DCLK3: variants seen among roughly 807,000 people sequenced by gnomAD.
DCLK3 encodes doublecortin like kinase 3, also known as serine/threonine-protein kinase DCLK3.
Under a neutral mutation model 46.4 loss-of-function variants are expected in DCLK3, and 30 were observed. That is an observed-to-expected ratio of 0.65 (90% CI 0.48 to 0.88). The LOEUF (loss-of-function observed/expected upper bound fraction) is 0.88. DCLK3 is among the 40% of genes least tolerant of loss of function. DCLK3 has a pLI of 0.00. For missense variants in DCLK3, 846 were observed against 907.1 expected (o/e 0.93, Z 0.87); for synonymous variants, 401 against 339.2 (o/e 1.18, Z -2.00).
In DCLK3 at chr3:36,749,059, C is replaced by T. The variant is rs1409572599; in HGVS notation, c.83-9975G>A. ...AACTCTCCCAACTCACCCATGATCA[C>T]ATCCCTGGGGCTTCATCGCTCACTC... On this transcript the variant is annotated intron_variant, in intron 1 of 4. Coordinates refer to ENST00000636136, the MANE Select transcript of DCLK3 (RefSeq NM_001394672.2). 2.6e-5 allele frequency among the ~76,000 whole-genome samples: 4 copies of T among 152,222 alleles called. No homozygotes were observed. In the East Asian group the frequency reaches 7.7e-4, roughly 29 times the overall value.
At chr3:36,733,759 G>T (rs1482923585) in intron 2 of DCLK3, among the ~76,000 whole-genome samples, 1 of 152,132 alleles carries the variant, frequency 6.6e-6, no homozygotes, top group Non-Finnish European at 1.5e-5. Context: ...CATCTTATCA[G>T]GAAATGTAAT....
intron 1 of DCLK3, among the ~76,000 whole-genome samples, chr3:36,755,203 T>A (rs936699848): frequency 6.6e-6 from 1 of 152,200 alleles, no homozygotes; most frequent in African/African-American, 2.4e-5. Flanking sequence ...CTAATAGACA[T>A]ATCAGTTCTT....
chr3:36,740,775 C>T (rs1346720116), intron 1 of DCLK3, among the ~76,000 whole-genome samples: 2 of 152,164 alleles, frequency 1.3e-5, no homozygotes, highest in Admixed American at 1.3e-4. Context: ...ACCCATATGT[C>T]ATATCCTACA....
chr3:36,747,238 C>T lies in DCLK3; in HGVS notation c.83-8154G>A, dbSNP rs183304103. 1.5e-3 allele frequency among the ~76,000 whole-genome samples: 223 copies of T among 151,900 alleles called. 1 individual carries two copies. Among genetic ancestry groups the T allele is most frequent in the African/African-American group, 5.0e-3 (206 of 41,416 alleles). ...TTTAGGTTAAATGATTGGGGTCCTGCAAAATAAATTGACAAAAGACAGATT... is the reference window on the plus strand; with the variant it reads ...TTTAGGTTAAATGATTGGGGTCCTGTAAAATAAATTGACAAAAGACAGATT... On this transcript the variant is annotated intron_variant, in intron 1 of 4. Coordinates refer to ENST00000636136, the MANE Select transcript of DCLK3 (RefSeq NM_001394672.2).
At chr3:36,742,150 G>T (rs1314892386) in intron 1 of DCLK3, among the ~76,000 whole-genome samples, 1 of 152,178 alleles carries the variant, frequency 6.6e-6, no homozygotes, top group East Asian at 1.9e-4. Flanking sequence ...TGTATTGAGT[G>T]TTGACATAGA....
rs534910215 is a variant in DCLK3 at position 36,715,606 on chromosome 3, C to T, written c.2261-85G>A. 4.3e-5 allele frequency: 62 copies of T among 1,433,188 alleles called. 1 individual carries two copies. In the Admixed American group the frequency reaches 8.5e-4, roughly 20 times the overall value. 88.8% of individuals were successfully genotyped at this position (1,433,188 alleles called of 1,614,324 possible). On this transcript the variant is annotated intron_variant, in intron 4 of 4. Transcript: ENST00000636136. ...CCCACACATGAAATAAGAACATAAACATTCACGTCAGCACCACGGCTGGCT... is the reference window on the plus strand; with the variant it reads ...CCCACACATGAAATAAGAACATAAATATTCACGTCAGCACCACGGCTGGCT...
At chr3:36,746,614 C>T (rs951980348) in intron 1 of DCLK3, among the ~76,000 whole-genome samples, 18 of 152,206 alleles carry the variant, frequency 1.2e-4, no homozygotes, top group Non-Finnish European at 2.4e-4. Flanking sequence ...AACCAGAGAG[C>T]ATTTTCCTCT....
At chr3:36,756,071 C>T (rs1406827264) in intron 1 of DCLK3, among the ~76,000 whole-genome samples, 2 of 152,144 alleles carry the variant, frequency 1.3e-5, no homozygotes, top group African/African-American at 4.8e-5. Flanking sequence ...AAAGCACAGC[C>T]TAGGGCAAGG....
intron 2 of DCLK3, among the ~76,000 whole-genome samples, chr3:36,734,908 C>T (rs116130043): frequency 6.6e-6 from 1 of 152,336 alleles, no homozygotes; most frequent in African/African-American, 2.4e-5. Flanking sequence ...CTGACTTTCT[C>T]CATCTCAAAA....
chr3:36,738,533 G>A lies in DCLK3; in HGVS notation c.634C>T (p.Leu212=), dbSNP rs1465543848. The change falls in exon 2 of 5, where the codon CTG becomes TTG. Residue 212 remains leucine (L), a synonymous_variant. Coordinates refer to ENST00000636136, the MANE Select transcript of DCLK3 (RefSeq NM_001394672.2). ...TCTCCTTTCAGAGCCTTGCTAAACA[G>A]CCTGCTCCTCAGCCTTGGAGAAGGG... ...RAPSPRLRSR[L]FSKALKGDHR... 6.6e-7 allele frequency: 1 copy of A among 1,507,922 alleles called. No individual in the cohort carries two copies. Among genetic ancestry groups the A allele is most frequent in the Non-Finnish European group, 8.9e-7 (1 of 1,128,392 alleles). 93.4% of individuals were successfully genotyped at this position (1,507,922 alleles called of 1,614,324 possible). A position where few individuals can be genotyped will look rare whatever the true frequency, so the allele number is the denominator to read the frequency against.
At chr3:36,750,005 C>T (rs1162794197) in intron 1 of DCLK3, among the ~76,000 whole-genome samples, 1 of 152,076 alleles carries the variant, frequency 6.6e-6, no homozygotes, top group Non-Finnish European at 1.5e-5. Context: ...AGACACATTA[C>T]CCAAGTTTCT....
At chr3:36,749,618 T>C (rs962545394) in intron 1 of DCLK3, among the ~76,000 whole-genome samples, 2 of 152,236 alleles carry the variant, frequency 1.3e-5, no homozygotes, top group Non-Finnish European at 2.9e-5. Flanking sequence ...TGCCTGGATC[T>C]GAAGACTCTC....
At chr3:36,752,773 T>A (rs1261077151) in intron 1 of DCLK3, among the ~76,000 whole-genome samples, 1 of 152,292 alleles carries the variant, frequency 6.6e-6, no homozygotes, top group Non-Finnish European at 1.5e-5. Context: ...ATATGACAAT[T>A]TACTTGAAGC....
chr3:36,759,645 C>G (rs984737407), intron 1 of DCLK3, among the ~76,000 whole-genome samples: 1 of 152,198 alleles, frequency 6.6e-6, no homozygotes, highest in Non-Finnish European at 1.5e-5. Context: ...ATGCTCCAAA[C>G]AACTCTTAGT....
chr3:36,755,424 A>G (rs1254421777), intron 1 of DCLK3, among the ~76,000 whole-genome samples: 1 of 152,212 alleles, frequency 6.6e-6, no homozygotes, highest in African/African-American at 2.4e-5. Context: ...CGTATAATGA[A>G]AGGTGATTAC....
At chr3:36,724,003 A>G (rs190786366) in intron 2 of DCLK3, among the ~76,000 whole-genome samples, 1 of 152,350 alleles carries the variant, frequency 6.6e-6, no homozygotes, top group Admixed American at 6.5e-5. Context: ...CCTGTGAAAG[A>G]AGCCAGGAGA....
chr3:36,763,550 T>C (rs1399044519), intron 1 of DCLK3, among the ~76,000 whole-genome samples: 1 of 152,232 alleles, frequency 6.6e-6, no homozygotes, highest in Non-Finnish European at 1.5e-5. Flanking sequence ...TTCCTAATCA[T>C]CTTTGGTTCT....
At chr3:36,745,372 CAG>C (rs1294939160) in intron 1 of DCLK3, among the ~76,000 whole-genome samples, 1 of 152,078 alleles carries the variant, frequency 6.6e-6, no homozygotes, top group East Asian at 1.9e-4. Context: ...AAAATAATGA[CAG>C]ATAATCAAAA....
chr3:36,715,174 AT>A lies in DCLK3; in HGVS notation c.*153del, dbSNP rs1286190881. On this transcript the variant is annotated 3_prime_UTR_variant, in exon 5 of 5. Coordinates refer to ENST00000636136, the MANE Select transcript of DCLK3 (RefSeq NM_001394672.2). ...TGTTGTGACATTTAACATTGACTTAATTTTTTTAATATGCTTTAAAATATAC... is the reference window on the plus strand; with the variant it reads ...TGTTGTGACATTTAACATTGACTTAATTTTTTAATATGCTTTAAAATATAC... 4.8e-6 allele frequency: 4 copies of A among 833,968 alleles called. No individual in the cohort carries two copies. The Admixed American group carries it at 1.4e-4, about 30-fold the overall frequency. The allele number at this position is 833,968 out of a possible 1,614,324, so 51.7% of individuals were successfully genotyped here.
Sources: allele counts gnomAD v4.1 joint callset (sites outside exome capture counted in the v4.1 genomes callset), GRCh38; gene constraint gnomAD v4.1.1; transcripts MANE v1.5; gene names NCBI Gene and HGNC (gene_info 2026-07-23, HGNC 2026-07-21).